UBR7: variants seen among roughly 807,000 people sequenced by gnomAD.
The protein encoded by UBR7 is putative E3 ubiquitin-protein ligase UBR7.
In UBR7, 22 loss-of-function variants were observed where a neutral mutation model predicts 57.0. The observed-to-expected ratio is 0.39, with a 90% CI of 0.28 to 0.55. The LOEUF (loss-of-function observed/expected upper bound fraction) is 0.55. Ranked by LOEUF, UBR7 falls within the 20% of genes least tolerant of loss-of-function variation. The pLI is 0.69. For missense variants in UBR7, 395 were observed against 513.2 expected (o/e 0.77, Z 2.23); for synonymous variants, 167 against 179.8 (o/e 0.93, Z 0.57).
rs1172800879 is a variant in UBR7, at chr14:93,223,760, CGAT to C, written c.1185+1388_1185+1390del. On this transcript the variant is annotated intron_variant, in intron 10 of 10. Transcript: ENST00000013070. ...GCGATCTCCTTCACCTTCAGGATCT[CGAT>C]GGAATGGGCCCAGGTGCGGTGCCAG... is the stretch of plus-strand genomic sequence containing the variant. 4 of 754,428 alleles carry C rather than the reference CGAT, an allele frequency of 5.3e-6. No individual in the cohort carries two copies. In the East Asian group the frequency reaches 1.0e-4, roughly 19 times the overall value. 46.7% of individuals were successfully genotyped at this position (754,428 alleles called of 1,614,324 possible). A position where few individuals can be genotyped will look rare whatever the true frequency, so the allele number is the denominator to read the frequency against.
intron 10 of UBR7, among the ~76,000 whole-genome samples, chr14:93,224,486 C>T (rs1894797453): frequency 6.7e-6 from 1 of 148,184 alleles, no homozygotes; most frequent in South Asian, 2.1e-4. Context: ...TCATGTCATT[C>T]TCCTGCCTCA....
intron 4 of UBR7, among the ~76,000 whole-genome samples, chr14:93,213,854 T>G (rs1894539822): frequency 6.6e-6 from 1 of 152,196 alleles, no homozygotes; most frequent in African/African-American, 2.4e-5. Flanking sequence ...ACTATAATTA[T>G]TGAACCAAAT....
chr14:93,224,369 GTTCTTT>G (rs1470844857), intron 10 of UBR7, among the ~76,000 whole-genome samples: 5 of 117,040 alleles, frequency 4.3e-5, no homozygotes, highest in African/African-American at 1.6e-4. Flanking sequence ...CTTCCTTACA[GTTCTTT>G]TTTTTTTTTT....
chr14:93,226,463 A>G (rs1894849499), intron 10 of UBR7, among the ~76,000 whole-genome samples: 2 of 148,282 alleles, frequency 1.3e-5, no homozygotes, highest in Middle Eastern at 7.1e-3. Context: ...TGGATAATAT[A>G]GTGAGACCTC....
intron 6 of UBR7, among the ~76,000 whole-genome samples, chr14:93,216,951 C>G (rs896055825): frequency 5.3e-5 from 8 of 152,116 alleles, no homozygotes; most frequent in African/African-American, 1.7e-4. Context: ...TGCTCCCTTT[C>G]TGTTCACACC....
Position 93,222,346 on chromosome 14 carries a change from A to G in UBR7, c.1157A>G (p.Tyr386Cys). The G allele has an allele frequency of 6.2e-7, 1 of 1,610,022 alleles. No homozygotes were observed. The highest frequency in any genetic ancestry group is 8.5e-7 in the Non-Finnish European group (1 of 1,176,156). ...GATTTGAAGACTGAACTTAAAGACT[A>G]TCTCAAGAGATTTGCTGATGAAGGC... ...YNDLKTELKD[Y>C]LKRFADEGTV... The change falls in exon 10 of 11, where the codon TAT becomes TGT. Residue 386 changes from tyrosine to cysteine, a missense_variant. Transcript: ENST00000013070.
Position 93,225,963 on chromosome 14 carries a change from G to A in UBR7, c.1186-980G>A, listed in dbSNP as rs895213723. The stretch of plus-strand genomic sequence containing the variant: ...AGCATTTTGTTAAGTGTAAATTCCC[G>A]TGCCATTTAGCCAAGTACATTAGAA... On this transcript the variant is annotated intron_variant, in intron 10 of 10. Transcript: ENST00000013070. Among the ~76,000 whole-genome samples, 14 of 152,250 alleles carry A rather than the reference G, an allele frequency of 9.2e-5. No homozygotes were observed. In the East Asian group the frequency reaches 1.5e-3, roughly 17 times the overall value.
intron 4 of UBR7, among the ~76,000 whole-genome samples, 164 bp downstream of exon 4, chr14:93,212,291 A>G (rs1475294359): frequency 6.6e-6 from 1 of 152,186 alleles, no homozygotes; most frequent in Non-Finnish European, 1.5e-5. Context: ...TATAATTGGT[A>G]CACATCTCAA....
At chr14:93,221,321 C>T (rs968058076) in intron 9 of UBR7, among the ~76,000 whole-genome samples, 11 of 151,980 alleles carry the variant, frequency 7.2e-5, no homozygotes, top group African/African-American at 2.7e-4. Context: ...ACCATGTTGG[C>T]CAAGCTGGTT....
Position 93,223,662 on chromosome 14 carries a change from G to A in UBR7, c.1185+1288G>A, listed in dbSNP as rs927468239. The A allele has an allele frequency of 1.2e-5, 16 of 1,380,238 alleles. No individual in the cohort carries two copies. The African/African-American group carries it at 2.0e-4, about 17-fold the overall frequency. The allele number at this position is 1,380,238 out of a possible 1,614,324, so 85.5% of individuals were successfully genotyped here. A position where few individuals can be genotyped will look rare whatever the true frequency, so the allele number is the denominator to read the frequency against. On this transcript the variant is annotated intron_variant, in intron 10 of 10. Coordinates refer to ENST00000013070, the MANE Select transcript of UBR7 (RefSeq NM_175748.4). ...CTTGGGCTGACGGGCAGGACCCGGTGGGGCAGCGGGAAACTTGATCTTGGA... is the reference window on the plus strand; with the variant it reads ...CTTGGGCTGACGGGCAGGACCCGGTAGGGCAGCGGGAAACTTGATCTTGGA...
chr14:93,216,608 TG>T (rs1418140092), intron 6 of UBR7, among the ~76,000 whole-genome samples: 5 of 151,904 alleles, frequency 3.3e-5, no homozygotes, highest in African/African-American at 1.2e-4. Context: ...AGAGTTCTTT[TG>T]TTTTTCTGCC....
intron 6 of UBR7, among the ~76,000 whole-genome samples, chr14:93,216,682 C>T (rs1894598797): frequency 6.6e-6 from 1 of 150,584 alleles, no homozygotes; most frequent in African/African-American, 2.4e-5. Context: ...GTGGTGCTAT[C>T]TCGGCTCACC....
In UBR7 at chr14:93,227,414, C is replaced by A. The variant is rs1429460939; in HGVS notation, c.*379C>A. 9.0e-6 allele frequency: 6 copies of A among 665,272 alleles called. No homozygotes were observed. The Admixed American group carries it at 1.2e-4, about 14-fold the overall frequency. 41.2% of individuals were successfully genotyped at this position (665,272 alleles called of 1,614,324 possible). A position where few individuals can be genotyped will look rare whatever the true frequency, so the allele number is the denominator to read the frequency against. ...ACAGAGCTGTTGCCTTCCAGAACCT[C>A]CTCCGCAGGCATCACGGAAGGCTCT... On this transcript the variant is annotated 3_prime_UTR_variant, in exon 11 of 11. Coordinates refer to ENST00000013070, the MANE Select transcript of UBR7 (RefSeq NM_175748.4).
In UBR7 at chr14:93,228,890, A is replaced by G. The variant is rs1234117583; in HGVS notation, c.*1855A>G. 2 of 454,022 alleles carry G rather than the reference A, an allele frequency of 4.4e-6. No individual in the cohort carries two copies. The highest frequency in any genetic ancestry group is 2.0e-5 in the African/African-American group (1 of 50,014). 28.1% of individuals were successfully genotyped at this position (454,022 alleles called of 1,614,324 possible). Reference sequence around the variant, plus strand: ...TGTGTTACATTACGTGCAGCACAATAGTACCGATCAGTTAACTCAGCGCTG... The same window carrying G: ...TGTGTTACATTACGTGCAGCACAATGGTACCGATCAGTTAACTCAGCGCTG... On this transcript the variant is annotated 3_prime_UTR_variant, in exon 11 of 11. Transcript: ENST00000013070.
chr14:93,223,472 C>T (rs1407284002), intron 10 of UBR7: 16 of 533,140 alleles, frequency 3.0e-5, no homozygotes, highest in East Asian at 6.8e-5. Flanking sequence ...CTGGCTTGAG[C>T]CCTGCTTTCT....
At chr14:93,221,405 T>A (rs1894704472) in intron 9 of UBR7, among the ~76,000 whole-genome samples, 1 of 150,860 alleles carries the variant, frequency 6.6e-6, no homozygotes, top group Admixed American at 6.6e-5. Context: ...TGAGCCACCA[T>A]GCCCAGTCCC....
Position 93,228,255 on chromosome 14 carries a change from T to G in UBR7, c.*1220T>G. The G allele has an allele frequency of 2.1e-6, 1 of 469,912 alleles. No homozygotes were observed. The highest frequency in any genetic ancestry group is 1.5e-5 in the South Asian group (1 of 64,606). The allele number at this position is 469,912 out of a possible 1,614,324, so 29.1% of individuals were successfully genotyped here. A position where few individuals can be genotyped will look rare whatever the true frequency, so the allele number is the denominator to read the frequency against. ...ACATTTGAGGGGAAGTCCTTTCAGT[T>G]GATATGAGATCTCTTTAACACCCCT... On this transcript the variant is annotated 3_prime_UTR_variant, in exon 11 of 11. Transcript: ENST00000013070.
Position 93,215,259 on chromosome 14 carries a change from G to C in UBR7, c.579G>C (p.Trp193Cys). Reference protein sequence around the residue: ...QACMKRCSFLWAYAAQLAVTK... With the variant: ...QACMKRCSFLCAYAAQLAVTK... ...GCATGAAACGTTGTTCTTTTTTGTG[G>C]GCTTATGCTGCACAATTGGCAGGTA... Residue 193 changes from tryptophan (W) to cysteine (C), a missense_variant, in exon 6 of 11, where the codon TGG becomes TGC. Trp to Cys is a radical substitution (Grantham distance 215). Transcript: ENST00000013070. 6.3e-7 allele frequency: 1 copy of C among 1,582,370 alleles called. No individual in the cohort carries two copies.
intron 10 of UBR7, among the ~76,000 whole-genome samples, chr14:93,222,618 C>T (rs1894732057): frequency 6.6e-6 from 1 of 152,068 alleles, no homozygotes; most frequent in Non-Finnish European, 1.5e-5. Flanking sequence ...TGATGGGCGC[C>T]TGTAGTCCCA....
Sources: allele counts gnomAD v4.1 joint callset (sites outside exome capture counted in the v4.1 genomes callset), GRCh38; gene constraint gnomAD v4.1.1; transcripts MANE v1.5; gene names NCBI Gene and HGNC (gene_info 2026-07-23, HGNC 2026-07-21).